Variants in GPC6 observed in about 807,000 individuals in gnomAD.
GPC6 encodes glypican 6.
In GPC6, 14 loss-of-function variants were observed where a neutral mutation model predicts 55.2. That is an observed-to-expected ratio of 0.25 (90% CI 0.17 to 0.40). GPC6 has a LOEUF of 0.40. GPC6 is among the 10% of genes least tolerant of loss of function. The probability of loss-of-function intolerance (pLI) is 1.00; values close to 1 mark genes in which losing one functional copy is unlikely to be tolerated. For missense variants in GPC6, 641 were observed against 708.5 expected, an observed-to-expected ratio of 0.90 and a Z score of 1.08; for synonymous variants, 278 against 259.6, an observed-to-expected ratio of 1.07 and a Z score of -0.68.
chr13:94,340,774 C>T (rs192842113), intron 6 of GPC6, among the ~76,000 whole-genome samples: 74 of 152,234 alleles, frequency 4.9e-4, no homozygotes, highest in Admixed American at 2.0e-3. Context: ...CGTTTCTTTT[C>T]GTTTACAATG....
At chr13:93,470,718 T>C (rs1879079851) in intron 1 of GPC6, among the ~76,000 whole-genome samples, 1 of 152,142 alleles carries the variant, frequency 6.6e-6, no homozygotes, top group Non-Finnish European at 1.5e-5. Context: ...AAATTGGTGT[T>C]ATTTTTTCTT....
chr13:93,913,229 T>C lies in GPC6; in HGVS notation c.711+82684T>C, dbSNP rs537512958. Among the ~76,000 whole-genome samples, 4 of 152,234 alleles carry C rather than the reference T, an allele frequency of 2.6e-5. No homozygotes were observed. The East Asian group carries it at 7.7e-4, about 29-fold the overall frequency. On this transcript the variant is annotated intron_variant, in intron 3 of 8. Transcript: ENST00000377047. ...CATGTTTCAGTTATCCTGCTGTATG[T>C]CTGCTGTATGTCTCTGCTCTGTTGA...
intron 4 of GPC6, among the ~76,000 whole-genome samples, chr13:94,284,515 G>A (rs1169250059): frequency 6.6e-6 from 1 of 151,222 alleles, no homozygotes; most frequent in African/African-American, 2.4e-5. Context: ...GATTTCTCTG[G>A]CCTTCTATCA....
chr13:93,913,942 TC>T (rs112657469), intron 3 of GPC6, among the ~76,000 whole-genome samples: 34,531 of 152,068 alleles, frequency 0.23, 4,111 homozygotes, highest in East Asian at 0.36. Flanking sequence ...CCCCACACCT[TC>T]CATTTCTAGA....
chr13:93,341,091 G>T (rs542207878), intron 1 of GPC6, among the ~76,000 whole-genome samples: 1 of 152,016 alleles, frequency 6.6e-6, no homozygotes, highest in Non-Finnish European at 1.5e-5. Flanking sequence ...TATTTCATTC[G>T]TTTTTATAGC....
intron 2 of GPC6, among the ~76,000 whole-genome samples, chr13:93,625,457 C>T (rs919885993): frequency 1.3e-5 from 2 of 152,152 alleles, no homozygotes; most frequent in Non-Finnish European, 2.9e-5. Context: ...TGAGATCCTA[C>T]CTCCTTGGAT....
At chr13:93,455,802 G>T (rs1452940072) in intron 1 of GPC6, among the ~76,000 whole-genome samples, 1 of 151,968 alleles carries the variant, frequency 6.6e-6, no homozygotes, top group Non-Finnish European at 1.5e-5. Flanking sequence ...ATTCTCCCTC[G>T]AGACCCCTAG....
At chr13:94,095,773 A>G (rs1885634781) in intron 4 of GPC6, among the ~76,000 whole-genome samples, 1 of 152,204 alleles carries the variant, frequency 6.6e-6, no homozygotes, top group South Asian at 2.1e-4. Context: ...GGGAGAGAAC[A>G]TTTAATAGGC....
At chr13:93,307,427 A>G (rs1878894920) in intron 1 of GPC6, among the ~76,000 whole-genome samples, 2 of 152,174 alleles carry the variant, frequency 1.3e-5, no homozygotes, top group Non-Finnish European at 2.9e-5. Context: ...AATCTTAACC[A>G]CATAGGAAGT....
chr13:93,616,820 T>A (rs991881407), intron 2 of GPC6, among the ~76,000 whole-genome samples: 1 of 152,108 alleles, frequency 6.6e-6, no homozygotes, highest in Admixed American at 6.6e-5. Flanking sequence ...TTCAACACCA[T>A]TGACGTGCTC....
At chr13:93,392,315 T>G (rs1458961335) in intron 1 of GPC6, among the ~76,000 whole-genome samples, 2 of 152,250 alleles carry the variant, frequency 1.3e-5, no homozygotes, top group Non-Finnish European at 2.9e-5. Flanking sequence ...TTACCAATGA[T>G]TTTTGACCCC....
At chr13:93,962,722 C>T (rs1566624557) in intron 3 of GPC6, among the ~76,000 whole-genome samples, 1 of 151,958 alleles carries the variant, frequency 6.6e-6, no homozygotes. Flanking sequence ...TTTCTGTCAC[C>T]CCAAGAAATA....
intron 4 of GPC6, among the ~76,000 whole-genome samples, chr13:94,188,287 TC>T (rs1889268681): frequency 6.6e-6 from 1 of 152,134 alleles, no homozygotes; most frequent in African/African-American, 2.4e-5. Context: ...CCAAGCACTT[TC>T]CCCTTCTGCA....
chr13:93,745,280 C>G (rs962906666), intron 2 of GPC6, among the ~76,000 whole-genome samples: 4 of 152,074 alleles, frequency 2.6e-5, no homozygotes, highest in Non-Finnish European at 5.9e-5. Context: ...CAGATGTTTT[C>G]TCAAGTCCCT....
rs1002225664 is a variant in GPC6, at chr13:93,896,184, C to A, written c.711+65639C>A. ...TAAATACGTACAGCTATTATGTGGC[C>A]ATAAAAATTAACTATGATATGCTTT... On this transcript the variant is annotated intron_variant, in intron 3 of 8. Coordinates refer to ENST00000377047, the MANE Select transcript of GPC6 (RefSeq NM_005708.5). 5.9e-5 allele frequency among the ~76,000 whole-genome samples: 9 copies of A among 151,790 alleles called. No individual in the cohort carries two copies. The East Asian group carries it at 1.7e-3, about 29-fold the overall frequency.
chr13:93,728,371 C>T lies in GPC6; in HGVS notation c.320-101783C>T, dbSNP rs180812122. ...AGCTGGGAATACAGGCCTACCACCACGCCTGGCTAAATGCTTTTTTTATTA... is the reference window on the plus strand; with the variant it reads ...AGCTGGGAATACAGGCCTACCACCATGCCTGGCTAAATGCTTTTTTTATTA... On this transcript the variant is annotated intron_variant, in intron 2 of 8. Coordinates refer to ENST00000377047, the MANE Select transcript of GPC6 (RefSeq NM_005708.5). Among the ~76,000 whole-genome samples, 10 of 151,404 alleles carry T rather than the reference C, an allele frequency of 6.6e-5. No homozygotes were observed. The East Asian group carries it at 1.6e-3, about 24-fold the overall frequency.
chr13:93,282,944 A>G (rs569153145), intron 1 of GPC6, among the ~76,000 whole-genome samples: 1 of 1,992 alleles, frequency 5.0e-4, no homozygotes, highest in Non-Finnish European at 1.2e-3. Flanking sequence ...TCTCTAAACA[A>G]TATGCTCATT....
intron 3 of GPC6, among the ~76,000 whole-genome samples, chr13:93,859,548 T>G (rs1888740131): frequency 6.6e-6 from 1 of 151,730 alleles, no homozygotes; most frequent in African/African-American, 2.4e-5. Flanking sequence ...TAAAGATTTC[T>G]CTTGTAGTAG....
intron 2 of GPC6, among the ~76,000 whole-genome samples, chr13:93,582,857 A>G (rs539067908): frequency 1.3e-5 from 2 of 152,316 alleles, no homozygotes; most frequent in South Asian, 4.1e-4. Flanking sequence ...AGGGTAGCCA[A>G]TGCACTTTCC....
Sources: gnomAD v4.1 joint callset for allele counts (sites outside exome capture counted in the v4.1 genomes callset) on GRCh38, gnomAD v4.1.1 for gene constraint, MANE v1.5 for transcripts, NCBI Gene and HGNC (gene_info 2026-07-23, HGNC 2026-07-21) for gene names.